Variants in RAPGEF6 observed in about 807,000 individuals in gnomAD.
The protein encoded by RAPGEF6 is PDZ domain containing guanine nucleotide exchange factor (GEF) 2.
A neutral mutation model predicts 171.4 loss-of-function variants in RAPGEF6; 56 were observed. The ratio of observed to expected loss-of-function variants is 0.33; its 90% CI spans 0.26 to 0.41. RAPGEF6 has a LOEUF of 0.41. Among genes scored for constraint, RAPGEF6 ranks in the 10% least tolerant of loss-of-function variants. The pLI, the probability that RAPGEF6 is intolerant of heterozygous loss-of-function variation, is 1.00. For missense variants in RAPGEF6, 1,674 were observed against 1,921.4 expected (o/e 0.87, Z 2.41); for synonymous variants, 692 against 650.1 (o/e 1.06, Z -0.98).
At position 131,424,372 on chromosome 5, in the gene RAPGEF6, C is replaced by T. The variant is rs896808584; in HGVS notation, c.*2894G>A. On this transcript the variant is annotated 3_prime_UTR_variant, in exon 28 of 28. Transcript: ENST00000509018. ...TTGACACTTTTCTGAAGATTTATCC[C>T]GTTTTTCTAGCCTTTAAGGTAATGC... is the stretch of plus-strand genomic sequence containing the variant. The T allele has an allele frequency of 2.0e-5, 3 of 152,308 alleles. No individual in the cohort carries two copies. Among genetic ancestry groups the T allele is most frequent in the Admixed American group, 6.5e-5 (1 of 15,276 alleles). 9.4% of individuals were successfully genotyped at this position (152,308 alleles called of 1,614,324 possible). A position where few individuals can be genotyped will look rare whatever the true frequency, so the allele number is the denominator to read the frequency against.
chr5:131,539,034 T>C lies in RAPGEF6; in HGVS notation c.495+9013A>G, dbSNP rs142990776. Among the ~76,000 whole-genome samples the C allele has an allele frequency of 2.7e-3, 413 of 152,324 alleles. 2 individuals are homozygous for C. Among genetic ancestry groups the C allele is most frequent in the African/African-American group, 9.7e-3 (404 of 41,574 alleles). On this transcript the variant is annotated intron_variant, in intron 6 of 27. Coordinates refer to ENST00000509018, the MANE Select transcript of RAPGEF6 (RefSeq NM_016340.6). ...AAGAATCACAAAGAATATACACCTGTTCAGAGTATTTGGGGCTGTAAATAA... is the reference window on the plus strand; with the variant it reads ...AAGAATCACAAAGAATATACACCTGCTCAGAGTATTTGGGGCTGTAAATAA...
At chr5:131,444,196 C>T (rs1174116163) in intron 22 of RAPGEF6, among the ~76,000 whole-genome samples, 1 of 152,170 alleles carries the variant, frequency 6.6e-6, no homozygotes, top group African/African-American at 2.4e-5. Context: ...TTAAGACAGA[C>T]TAGACAATAT....
At chr5:131,500,766 G>A (rs544197858) in intron 11 of RAPGEF6, among the ~76,000 whole-genome samples, 2 of 151,856 alleles carry the variant, frequency 1.3e-5, no homozygotes, top group South Asian at 2.1e-4. Context: ...TGAAACTATC[G>A]CCTTGTCTTT....
At chr5:131,477,771 C>T (rs142507658) in intron 16 of RAPGEF6, among the ~76,000 whole-genome samples, 37 of 152,150 alleles carry the variant, frequency 2.4e-4, no homozygotes, top group South Asian at 8.3e-4. Context: ...CAAAATGAGA[C>T]GCAGTTAATG....
intron 15 of RAPGEF6, among the ~76,000 whole-genome samples, chr5:131,486,263 T>A (rs1755881750): frequency 6.6e-6 from 1 of 152,230 alleles, no homozygotes; most frequent in Admixed American, 6.5e-5. Context: ...AAAAGAGACA[T>A]CACTTTGGGA....
At chr5:131,492,184 A>G (rs1756328826) in intron 14 of RAPGEF6, among the ~76,000 whole-genome samples, 1 of 152,190 alleles carries the variant, frequency 6.6e-6, no homozygotes, top group South Asian at 2.1e-4. Context: ...ATCTGCAGCC[A>G]CTTACATTTG....
At chr5:131,441,825 C>T (rs1752400843) in intron 23 of RAPGEF6, among the ~76,000 whole-genome samples, 1 of 151,954 alleles carries the variant, frequency 6.6e-6, no homozygotes, top group Admixed American at 6.6e-5. Context: ...ATCTAAAAGG[C>T]TAAAATAGTG....
chr5:131,624,165 T>A (rs1216262646), intron 1 of RAPGEF6, among the ~76,000 whole-genome samples: 1 of 152,230 alleles, frequency 6.6e-6, no homozygotes, highest in Non-Finnish European at 1.5e-5. Flanking sequence ...TTATTTCACA[T>A]ATATTATCTC....
At position 131,424,035 on chromosome 5, in the gene RAPGEF6, T is replaced by C. The variant is rs1751286140; in HGVS notation, c.*3231A>G. On this transcript the variant is annotated 3_prime_UTR_variant, in exon 28 of 28. Coordinates refer to ENST00000509018, the MANE Select transcript of RAPGEF6 (RefSeq NM_016340.6). ...AACAAATATTTACACTCAGTAAAAA[T>C]ACAAAAAGCATACAGAGGCACTGTC... 6.6e-6 allele frequency: 1 copy of C among 152,282 alleles called. No homozygotes were observed. Among genetic ancestry groups the C allele is most frequent in the Admixed American group, 6.5e-5 (1 of 15,280 alleles). 9.4% of individuals were successfully genotyped at this position (152,282 alleles called of 1,614,324 possible).
chr5:131,503,598 T>G (rs569449076), intron 11 of RAPGEF6, among the ~76,000 whole-genome samples: 1 of 152,296 alleles, frequency 6.6e-6, no homozygotes, highest in East Asian at 1.9e-4. Context: ...CTCATATTAT[T>G]AAGTAAACTG....
At position 131,453,120 on chromosome 5, in the gene RAPGEF6, T is replaced by G. The variant is rs750424605; in HGVS notation, c.3134A>C (p.Lys1045Thr). 1.2e-6 allele frequency: 2 copies of G among 1,614,020 alleles called. No individual in the cohort carries two copies. Among genetic ancestry groups the G allele is most frequent in the South Asian group, 2.2e-5 (2 of 91,050 alleles). Residue 1045 changes from lysine to threonine, a missense_variant, in exon 21 of 28, where the codon AAG becomes ACG. By Grantham distance (78) the Lys-to-Thr change is moderately conservative. This residue lies in a region of RAPGEF6 where 1,116 missense variants were observed against 1,321.5 expected (regional missense o/e 0.84). Transcript: ENST00000509018. ...VNFEKLRMISKEIRQVVRMTS... is the reference protein window; with the variant it reads ...VNFEKLRMISTEIRQVVRMTS... ...CATTCGAACAACTTGGCGGATTTCC[T>G]TGGAAATCATTCTTAACTTCTCAAA...
intron 4 of RAPGEF6, among the ~76,000 whole-genome samples, chr5:131,585,201 A>G (rs1763175348): frequency 6.6e-6 from 1 of 152,090 alleles, no homozygotes; most frequent in Non-Finnish European, 1.5e-5. Flanking sequence ...ACATTATACC[A>G]TACCCAAAAC....
intron 5 of RAPGEF6, among the ~76,000 whole-genome samples, chr5:131,555,077 A>G (rs2149958436): frequency 6.6e-6 from 1 of 152,324 alleles, no homozygotes; most frequent in East Asian, 1.9e-4. Flanking sequence ...AAATATAGAA[A>G]AAGAAGAAAC....
chr5:131,549,132 T>C (rs1325866482), intron 5 of RAPGEF6, among the ~76,000 whole-genome samples: 1 of 152,188 alleles, frequency 6.6e-6, no homozygotes, highest in Non-Finnish European at 1.5e-5. Context: ...CAACAGCTTA[T>C]GCCACTGATA....
chr5:131,463,833 T>C, intron 18 of RAPGEF6: 1 of 1,227,598 alleles, frequency 8.1e-7, no homozygotes, highest in African/African-American at 1.5e-5. Flanking sequence ...TCATTCAGCT[T>C]CCTCTATAAA....
intron 17 of RAPGEF6, among the ~76,000 whole-genome samples, chr5:131,466,082 T>TGA (rs1342413004): frequency 2.2e-5 from 3 of 139,168 alleles, no homozygotes; most frequent in African/African-American, 8.3e-5. Flanking sequence ...TTGGTCCTCT[T>TGA]GAGACTGAGG....
At chr5:131,449,889 C>T in intron 21 of RAPGEF6, 1 of 957,990 alleles carries the variant, frequency 1.0e-6, no homozygotes, top group Non-Finnish European at 1.6e-6. Context: ...TAGCAGAAGG[C>T]ATTTGTCAGG....
chr5:131,492,210 A>G (rs949986538), intron 14 of RAPGEF6, among the ~76,000 whole-genome samples: 1 of 152,184 alleles, frequency 6.6e-6, no homozygotes, highest in Non-Finnish European at 1.5e-5. Flanking sequence ...ACTATGAGGT[A>G]GAAGTGCTGT....
chr5:131,581,832 C>A (rs1464121972), intron 4 of RAPGEF6, among the ~76,000 whole-genome samples: 1 of 152,104 alleles, frequency 6.6e-6, no homozygotes, highest in Non-Finnish European at 1.5e-5. Context: ...TTCCTCCCTG[C>A]CCTTGTGAAT....
Sources: allele counts gnomAD v4.1 joint callset (sites outside exome capture counted in the v4.1 genomes callset), GRCh38; gene constraint gnomAD v4.1.1; regional missense constraint gnomAD v4.1.1; transcripts MANE v1.5; gene names NCBI Gene and HGNC (gene_info 2026-07-23, HGNC 2026-07-21).